NCK1: variants seen among roughly 807,000 people sequenced by gnomAD.
NCK1 encodes SH2/SH3 adapter protein NCK1.
A neutral mutation model predicts 36.6 loss-of-function variants in NCK1; 19 were observed. The observed-to-expected ratio is 0.52, with a 90% CI of 0.36 to 0.76. The LOEUF (loss-of-function observed/expected upper bound fraction) is 0.76, where lower values mean the gene tolerates loss of function less well. Ranked by LOEUF, NCK1 falls within the 30% of genes least tolerant of loss-of-function variation. NCK1 has a pLI of 0.00. For synonymous variants in NCK1, 165 were observed against 156.0 expected (o/e 1.06, Z -0.43); for missense variants, 358 against 445.6 (o/e 0.80, Z 1.77).
chr3:136,893,792 A>G (rs556393969), intron 1 of NCK1, among the ~76,000 whole-genome samples: 1 of 152,312 alleles, frequency 6.6e-6, no homozygotes, highest in South Asian at 2.1e-4. Flanking sequence ...TTAGTGATAT[A>G]AGCCAGTGGT....
rs76489751 is a variant in NCK1 at position 136,883,997 on chromosome 3, A to G, written c.-19+21644A>G. On this transcript the variant is annotated intron_variant, in intron 1 of 3. Transcript: ENST00000481752. Reference sequence around the variant, plus strand: ...ATTTTTGGAGATTGATGCATATTCAATTTGAGGTGATAGCAAGATATTTAA... The same window carrying G: ...ATTTTTGGAGATTGATGCATATTCAGTTTGAGGTGATAGCAAGATATTTAA... 7.0e-3 allele frequency among the ~76,000 whole-genome samples: 1,070 copies of G among 152,350 alleles called. 15 individuals are homozygous for G. Among genetic ancestry groups the G allele is most frequent in the African/African-American group, 0.024 (989 of 41,586 alleles).
chr3:136,869,849 T>TA (rs1192378336), intron 1 of NCK1, among the ~76,000 whole-genome samples: 2 of 152,102 alleles, frequency 1.3e-5, no homozygotes, highest in Non-Finnish European at 2.9e-5. Flanking sequence ...AATTATCAGT[T>TA]AAAAAAACCT....
chr3:136,940,491 GAC>G (rs1560054362), intron 2 of NCK1, among the ~76,000 whole-genome samples: 2 of 151,988 alleles, frequency 1.3e-5, no homozygotes, highest in African/African-American at 4.8e-5. Flanking sequence ...CTTCTTGATG[GAC>G]TGATTCTTTT....
intron 1 of NCK1, among the ~76,000 whole-genome samples, chr3:136,926,394 C>T (rs1940239346): frequency 6.6e-6 from 1 of 152,016 alleles, no homozygotes; most frequent in South Asian, 2.1e-4. Context: ...CCTGCCTCAG[C>T]GTCCCAAGTA....
intron 1 of NCK1, among the ~76,000 whole-genome samples, chr3:136,863,155 T>C (rs1296688168): frequency 6.6e-6 from 1 of 152,116 alleles, no homozygotes; most frequent in African/African-American, 2.4e-5. Context: ...AAAATAATTA[T>C]GCACGTTAGA....
chr3:136,938,665 T>C (rs1490429401), intron 2 of NCK1, among the ~76,000 whole-genome samples: 3 of 152,218 alleles, frequency 2.0e-5, no homozygotes, highest in Non-Finnish European at 2.9e-5. Flanking sequence ...TAGATAAGCT[T>C]CATTTAGGCA....
chr3:136,942,100 A>C (rs1032706409), intron 2 of NCK1, among the ~76,000 whole-genome samples: 11 of 152,178 alleles, frequency 7.2e-5, no homozygotes, highest in Non-Finnish European at 1.2e-4. Flanking sequence ...TGTCTCCCAA[A>C]GTGCTGGGAT....
rs943627655 is a variant in NCK1 at position 136,926,351 on chromosome 3, T to A, written c.-18-1633T>A. ...GTGCAGTGGCGCGATCTCGGCTCAC[T>A]GCAAGCCCCGCCTCCCGGGTTCAAG... On this transcript the variant is annotated intron_variant, in intron 1 of 3. Coordinates refer to ENST00000481752, the MANE Select transcript of NCK1 (RefSeq NM_001291999.2). Among the ~76,000 whole-genome samples, 3 of 152,192 alleles carry A rather than the reference T, an allele frequency of 2.0e-5. No homozygotes were observed. In the South Asian group the frequency reaches 6.2e-4, roughly 32 times the overall value.
In NCK1 at chr3:136,949,191, A is replaced by G. The variant is rs1345582183; in HGVS notation, c.*738A>G. 6.6e-6 allele frequency: 1 copy of G among 152,050 alleles called. No individual in the cohort carries two copies. Among genetic ancestry groups the G allele is most frequent in the Non-Finnish European group, 1.5e-5 (1 of 67,890 alleles). The allele number at this position is 152,050 out of a possible 1,614,324, so 9.4% of individuals were successfully genotyped here. A position where few individuals can be genotyped will look rare whatever the true frequency, so the allele number is the denominator to read the frequency against. ...GTCTCTGAGATATTTAGCTTTTCAA[A>G]CTGTAAATAGATGCTCTAGTGTTAT... On this transcript the variant is annotated 3_prime_UTR_variant, in exon 4 of 4. Coordinates refer to ENST00000481752, the MANE Select transcript of NCK1 (RefSeq NM_001291999.2).
At chr3:136,880,921 G>T (rs1938915089) in intron 1 of NCK1, among the ~76,000 whole-genome samples, 2 of 152,060 alleles carry the variant, frequency 1.3e-5, no homozygotes, top group South Asian at 4.1e-4. Flanking sequence ...ACAAACTCTT[G>T]ATCCCTTCAT....
chr3:136,944,371 G>C (rs1255562084), intron 2 of NCK1, among the ~76,000 whole-genome samples: 1 of 152,110 alleles, frequency 6.6e-6, no homozygotes, highest in Admixed American at 6.5e-5. Flanking sequence ...GCCCGCCTCA[G>C]CCTCCCAGAA....
At chr3:136,867,263 C>CTCTT (rs1029157814) in intron 1 of NCK1, among the ~76,000 whole-genome samples, 1 of 148,542 alleles carries the variant, frequency 6.7e-6, no homozygotes, top group East Asian at 2.0e-4. Context: ...GTCTCTCTCT[C>CTCTT]TCTTTCTTTC....
chr3:136,903,166 C>A (rs73231944), intron 1 of NCK1, among the ~76,000 whole-genome samples: 11,232 of 152,162 alleles, frequency 0.074, 441 homozygotes, highest in Non-Finnish European at 0.095. Flanking sequence ...ATTGTTAAAT[C>A]CTCCTCCTGA....
At chr3:136,880,389 G>A (rs1938897646) in intron 1 of NCK1, among the ~76,000 whole-genome samples, 1 of 152,074 alleles carries the variant, frequency 6.6e-6, no homozygotes, top group Non-Finnish European at 1.5e-5. Flanking sequence ...CATGACTTCG[G>A]GCCTTTTAAA....
At chr3:136,884,437 G>A (rs1404084616) in intron 1 of NCK1, among the ~76,000 whole-genome samples, 1 of 152,106 alleles carries the variant, frequency 6.6e-6, no homozygotes, top group Non-Finnish European at 1.5e-5. Context: ...ACAGCTTTGA[G>A]TTCTTGTCTT....
Position 136,916,464 on chromosome 3 carries a change from C to T in NCK1, c.-18-11520C>T, listed in dbSNP as rs545213857. ...AACCCAAACACCTCCCATTAGGCCCCATTTCCAACATGGGGATCAAATTTC... is the reference window on the plus strand; with the variant it reads ...AACCCAAACACCTCCCATTAGGCCCTATTTCCAACATGGGGATCAAATTTC... On this transcript the variant is annotated intron_variant, in intron 1 of 3. Coordinates refer to ENST00000481752, the MANE Select transcript of NCK1 (RefSeq NM_001291999.2). Among the ~76,000 whole-genome samples the T allele has an allele frequency of 4.0e-4, 61 of 152,286 alleles. No individual in the cohort carries two copies. In the East Asian group the frequency reaches 0.011, roughly 27 times the overall value.
intron 1 of NCK1, among the ~76,000 whole-genome samples, chr3:136,864,724 C>T (rs1435646033): frequency 3.3e-5 from 5 of 149,656 alleles, no homozygotes; most frequent in Admixed American, 2.0e-4. Context: ...AAAAGAGATA[C>T]TTAGTGATAC....
chr3:136,908,725 G>A (rs1939753417), intron 1 of NCK1, among the ~76,000 whole-genome samples: 2 of 152,166 alleles, frequency 1.3e-5, no homozygotes, highest in Admixed American at 1.3e-4. Flanking sequence ...ACTCAAAATT[G>A]GTAGCTCTTA....
chr3:136,921,300 T>C (rs1560047450), intron 1 of NCK1, among the ~76,000 whole-genome samples: 1 of 152,304 alleles, frequency 6.6e-6, no homozygotes, highest in East Asian at 1.9e-4. Context: ...AATTCCAATA[T>C]ATTTTTAACT....
Sources: gnomAD v4.1 joint callset for allele counts (sites outside exome capture counted in the v4.1 genomes callset) on GRCh38, gnomAD v4.1.1 for gene constraint, MANE v1.5 for transcripts, NCBI Gene and HGNC (gene_info 2026-07-23, HGNC 2026-07-21) for gene names.